MSRB3: variants seen among roughly 807,000 people sequenced by gnomAD.
The protein encoded by MSRB3 is methionine sulfoxide reductase B3, also known as methionine-R-sulfoxide reductase B3.
Under a neutral mutation model 21.0 loss-of-function variants are expected in MSRB3, and 13 were observed. The observed-to-expected ratio is 0.62, with a 90% CI of 0.40 to 0.98. The LOEUF is 0.98. Among genes scored for constraint, MSRB3 ranks in the 50% least tolerant of loss-of-function variants. The pLI is 0.00. For missense variants in MSRB3, 199 were observed against 230.3 expected (o/e 0.86, Z 0.88); for synonymous variants, 87 against 88.6 (o/e 0.98, Z 0.10).
intron 4 of MSRB3, among the ~76,000 whole-genome samples, chr12:65,354,904 A>T (rs911825843): frequency 1.3e-5 from 2 of 151,872 alleles, no homozygotes; most frequent in Non-Finnish European, 2.9e-5. Context: ...AATTGGAATT[A>T]TCCCAGAAAA....
intron 4 of MSRB3, among the ~76,000 whole-genome samples, chr12:65,356,805 A>G (rs1877409720): frequency 6.6e-6 from 1 of 151,882 alleles, no homozygotes; most frequent in African/African-American, 2.4e-5. Flanking sequence ...TTCTTGAATT[A>G]TTGATTTGGG....
chr12:65,447,397 A>C (rs1747402883), intron 5 of MSRB3, among the ~76,000 whole-genome samples: 1 of 152,220 alleles, frequency 6.6e-6, no homozygotes, highest in African/African-American at 2.4e-5. Context: ...AATCATAGAA[A>C]AACTAAAATA....
At position 65,298,123 on chromosome 12, in the gene MSRB3, C is replaced by T. The variant is rs139554569; in HGVS notation, c.-51-10406C>T. Among the ~76,000 whole-genome samples, 957 of 152,200 alleles carry T rather than the reference C, an allele frequency of 6.3e-3. 8 individuals are homozygous for T. The highest frequency in any genetic ancestry group is 0.014 in the Middle Eastern group (4 of 294). On this transcript the variant is annotated intron_variant, in intron 1 of 6. Transcript: ENST00000308259. ...GGTTCAAGCAATCCTCCCGCCTCAG[C>T]GTTCCGAGTAGCTGGAACCACAGGT...
intron 1 of MSRB3, among the ~76,000 whole-genome samples, chr12:65,298,791 G>A (rs1873137169): frequency 6.6e-6 from 1 of 152,038 alleles, no homozygotes; most frequent in Non-Finnish European, 1.5e-5. Flanking sequence ...TGAATGGGTG[G>A]CAAAGTTCTG....
intron 5 of MSRB3, among the ~76,000 whole-genome samples, chr12:65,413,478 G>T (rs919415567): frequency 1.8e-4 from 28 of 152,130 alleles, no homozygotes; most frequent in African/African-American, 6.3e-4. Context: ...TTTTAGTACT[G>T]TTCTTTGGCT....
intron 5 of MSRB3, among the ~76,000 whole-genome samples, chr12:65,381,330 G>T (rs1878929035): frequency 6.6e-6 from 1 of 152,130 alleles, no homozygotes; most frequent in Admixed American, 6.5e-5. Flanking sequence ...CGATGATCAT[G>T]GTCACCTTCT....
At chr12:65,459,766 G>C (rs1883241689) in intron 6 of MSRB3, among the ~76,000 whole-genome samples, 1 of 152,204 alleles carries the variant, frequency 6.6e-6, no homozygotes, top group Admixed American at 6.5e-5. Context: ...AAATACATCA[G>C]TGCAGAAAAA....
chr12:65,293,745 C>T (rs1425229223), intron 1 of MSRB3, among the ~76,000 whole-genome samples: 1 of 152,182 alleles, frequency 6.6e-6, no homozygotes, highest in Admixed American at 6.5e-5. Flanking sequence ...TTCATGGTGG[C>T]AGGGACCATG....
intron 5 of MSRB3, among the ~76,000 whole-genome samples, chr12:65,427,357 A>C (rs899737135): frequency 6.6e-6 from 1 of 152,176 alleles, no homozygotes; most frequent in African/African-American, 2.4e-5. Flanking sequence ...CCACAGTGGC[A>C]GTGAGGGTTT....
chr12:65,340,548 C>G lies in MSRB3; in HGVS notation c.263+11945C>G, dbSNP rs183606624. Among the ~76,000 whole-genome samples the G allele has an allele frequency of 2.8e-4, 42 of 152,058 alleles. No individual in the cohort carries two copies. In the East Asian group the frequency reaches 7.3e-3, roughly 27 times the overall value. Reference sequence around the variant, plus strand: ...AATAACCATATCTTATTATATCACACTGCTAAAAATCAAAGGCAAGGAGAA... The same window carrying G: ...AATAACCATATCTTATTATATCACAGTGCTAAAAATCAAAGGCAAGGAGAA... On this transcript the variant is annotated intron_variant, in intron 4 of 6. Transcript: ENST00000308259.
At position 65,466,572 on chromosome 12, in the gene MSRB3, A is replaced by C. The variant is rs992838662; in HGVS notation, c.*3250A>C. On this transcript the variant is annotated 3_prime_UTR_variant, in exon 7 of 7. Transcript: ENST00000308259. ...ACATTCAAGCAGAATGGATCTGAAG[A>C]AAGCAGCAATATCTGTTACTAGAGA... is the stretch of plus-strand genomic sequence containing the variant. The C allele has an allele frequency of 5.9e-5, 9 of 152,228 alleles. No individual in the cohort carries two copies. Among genetic ancestry groups the C allele is most frequent in the African/African-American group, 2.2e-4 (9 of 41,462 alleles). 9.4% of individuals were successfully genotyped at this position (152,228 alleles called of 1,614,324 possible). A position where few individuals can be genotyped will look rare whatever the true frequency, so the allele number is the denominator to read the frequency against.
intron 5 of MSRB3, among the ~76,000 whole-genome samples, chr12:65,384,402 G>A (rs1879107344): frequency 6.6e-6 from 1 of 152,128 alleles, no homozygotes; most frequent in Non-Finnish European, 1.5e-5. Context: ...GAGTCAACAG[G>A]ATGGCTTTAT....
At chr12:65,339,217 G>A (rs368472741) in intron 4 of MSRB3, among the ~76,000 whole-genome samples, 1 of 152,156 alleles carries the variant, frequency 6.6e-6, no homozygotes, top group Admixed American at 6.5e-5. Flanking sequence ...TTGTTGCGGG[G>A]AGCTGCCCTA....
intron 5 of MSRB3, among the ~76,000 whole-genome samples, chr12:65,375,135 G>A (rs1476009913): frequency 2.0e-5 from 3 of 151,442 alleles, no homozygotes; most frequent in Admixed American, 6.6e-5. Flanking sequence ...GTGAGCCACC[G>A]CGCCCGGCCT....
At chr12:65,383,882 C>A (rs1475164321) in intron 5 of MSRB3, among the ~76,000 whole-genome samples, 2 of 152,170 alleles carry the variant, frequency 1.3e-5, no homozygotes, top group Non-Finnish European at 2.9e-5. Context: ...TGGTCTCGAA[C>A]TCCTGAACTC....
intron 4 of MSRB3, among the ~76,000 whole-genome samples, chr12:65,335,865 T>C (rs1376926341): frequency 2.6e-5 from 4 of 152,200 alleles, no homozygotes; most frequent in Non-Finnish European, 5.9e-5. Context: ...ACGAAGTACA[T>C]TTAACTTGAA....
At chr12:65,459,640 A>C (rs1883235879) in intron 6 of MSRB3, among the ~76,000 whole-genome samples, 1 of 150,540 alleles carries the variant, frequency 6.6e-6, no homozygotes, top group African/African-American at 2.5e-5. Flanking sequence ...GTCCAAGTGT[A>C]AAAGCCCTGC....
rs553024259 is a variant in MSRB3 at position 65,325,760 on chromosome 12, A to G, written c.77-1066A>G. On this transcript the variant is annotated intron_variant, in intron 2 of 6. Coordinates refer to ENST00000308259, the MANE Select transcript of MSRB3 (RefSeq NM_001031679.3). Reference sequence around the variant, plus strand: ...TCAAAACATGGCAAGAACTCTCTACATTTAGGACCATCTGCAGGCCTCTTT... The same window carrying G: ...TCAAAACATGGCAAGAACTCTCTACGTTTAGGACCATCTGCAGGCCTCTTT... Among the ~76,000 whole-genome samples, 6 of 152,244 alleles carry G rather than the reference A, an allele frequency of 3.9e-5. No homozygotes were observed. The South Asian group carries it at 1.2e-3, about 32-fold the overall frequency.
chr12:65,437,891 C>A (rs1032954540), intron 5 of MSRB3, among the ~76,000 whole-genome samples: 12 of 151,788 alleles, frequency 7.9e-5, no homozygotes, highest in Non-Finnish European at 1.6e-4. Context: ...TGAAGTGCTC[C>A]CTTTTTCACT....
Sources: gnomAD v4.1 joint callset for allele counts (sites outside exome capture counted in the v4.1 genomes callset) on GRCh38, gnomAD v4.1.1 for gene constraint, MANE v1.5 for transcripts, NCBI Gene and HGNC (gene_info 2026-07-23, HGNC 2026-07-21) for gene names.